Variants in ZBTB40 observed in about 807,000 individuals in gnomAD.
The protein encoded by ZBTB40 is zinc finger and BTB domain containing 40.
In ZBTB40, 60 loss-of-function variants were observed where a neutral mutation model predicts 117.5. The observed-to-expected ratio is 0.51, with a 90% CI of 0.41 to 0.63. The LOEUF is 0.63. Ranked by LOEUF, ZBTB40 falls within the 30% of genes least tolerant of loss-of-function variation. ZBTB40 has a pLI of 0.00. For synonymous variants in ZBTB40, 525 were observed against 577.1 expected, an observed-to-expected ratio of 0.91 and a Z score of 1.29; for missense variants, 1,287 against 1,498.5, an observed-to-expected ratio of 0.86 and a Z score of 2.33.
At chr1:22,449,246 G>A (rs1640827293), upstream of ZBTB40, among the ~76,000 whole-genome samples, 1 of 152,090 alleles carries the variant, frequency 6.6e-6, no homozygotes, top group African/African-American at 2.4e-5. Flanking sequence ...TGGTGGCATG[G>A]GAACACTCTT....
At chr1:22,517,509 A>C in intron 13 of ZBTB40, 45 bp downstream of exon 13, 1 of 1,592,752 alleles carries the variant, frequency 6.3e-7, no homozygotes, top group Middle Eastern at 1.7e-4. Context: ...CCAGCCTGGC[A>C]CTGGGAAAGC....
intron 15 of ZBTB40, 34 bp from the exon 16 acceptor site, chr1:22,522,343 T>C: frequency 1.2e-6 from 2 of 1,610,608 alleles, no homozygotes; most frequent in South Asian, 2.2e-5. Context: ...CCATTTGTTC[T>C]TTCCCAGCAC....
At chr1:22,470,570 G>A (rs1351626165) in intron 1 of ZBTB40, among the ~76,000 whole-genome samples, 3 of 152,168 alleles carry the variant, frequency 2.0e-5, no homozygotes, top group Admixed American at 2.0e-4. Flanking sequence ...TGTCCCGAGC[G>A]TCAAAAGAAA....
Position 22,488,786 on chromosome 1 carries a change from G to T in ZBTB40, c.-69-1094G>T, listed in dbSNP as rs540263844. ...TTAAGTAGATTGCTCCGCCTACTGGGTTGAAGATAGGATGAGGTAGGGGTA... is the reference window on the plus strand; with the variant it reads ...TTAAGTAGATTGCTCCGCCTACTGGTTTGAAGATAGGATGAGGTAGGGGTA... On this transcript the variant is annotated intron_variant, in intron 1 of 17. Coordinates refer to ENST00000375647, the MANE Select transcript of ZBTB40 (RefSeq NM_014870.4). 6.8e-4 allele frequency among the ~76,000 whole-genome samples: 103 copies of T among 152,326 alleles called. 2 individuals are homozygous for T. The South Asian group carries it at 0.011, about 17-fold the overall frequency.
intron 1 of ZBTB40, among the ~76,000 whole-genome samples, chr1:22,459,962 A>T (rs190949293): frequency 1.1e-3 from 163 of 152,354 alleles, no homozygotes; most frequent in Non-Finnish European, 4.7e-4. Context: ...CATTTAAAAA[A>T]TAATAATTCT....
intron 17 of ZBTB40, among the ~76,000 whole-genome samples, chr1:22,525,272 C>T (rs915722056): frequency 2.0e-5 from 3 of 151,980 alleles, no homozygotes; most frequent in Non-Finnish European, 4.4e-5. Context: ...GGGGCTGGGG[C>T]GTCCATTTCT....
intron 1 of ZBTB40, among the ~76,000 whole-genome samples, chr1:22,454,435 G>A (rs764222578): frequency 6.6e-6 from 1 of 152,108 alleles, no homozygotes; most frequent in East Asian, 1.9e-4. Flanking sequence ...AAAACAGCAC[G>A]GAGAGAGACA....
chr1:22,513,969 G>A lies in ZBTB40; in HGVS notation c.2668+839G>A, dbSNP rs536963343. Among the ~76,000 whole-genome samples the A allele has an allele frequency of 4.0e-4, 61 of 152,358 alleles. No homozygotes were observed. The highest frequency in any genetic ancestry group is 1.4e-3 in the African/African-American group (59 of 41,598). On this transcript the variant is annotated intron_variant, in intron 12 of 17. Transcript: ENST00000375647. This position sits in a 1 kb window ranked among gnomAD's most constrained non-coding sequence, Gnocchi z 4.9. ...GAAGGACCCTGACTAAGCACCTACC[G>A]TGGATCAGACAGTGGCAGATGCCGA... is the stretch of plus-strand genomic sequence containing the variant.
chr1:22,520,363 C>T, intron 14 of ZBTB40, 88 bp downstream of exon 14: 2 of 1,027,538 alleles, frequency 1.9e-6, no homozygotes, highest in Non-Finnish European at 3.0e-6. Flanking sequence ...TGGTGGCTTG[C>T]AGATCATATC....
intron 1 of ZBTB40, among the ~76,000 whole-genome samples, chr1:22,479,403 G>A (rs1638226576): frequency 2.0e-5 from 3 of 151,980 alleles, no homozygotes; most frequent in Non-Finnish European, 4.4e-5. Flanking sequence ...TTTTATGTTT[G>A]TTTATAAAGT....
rs1639791708 is a variant in ZBTB40 at position 22,530,129 on chromosome 1, G to A, written c.*3733G>A. 1 of 152,256 alleles carries A rather than the reference G, an allele frequency of 6.6e-6. No individual in the cohort carries two copies. The allele number at this position is 152,256 out of a possible 1,614,324, so 9.4% of individuals were successfully genotyped here. ...TGTATAGAGTGGGCAGGCGGTTCCA[G>A]GGAGACAAGCAGCATGTTATTAAAT... On this transcript the variant is annotated 3_prime_UTR_variant, in exon 18 of 18. Transcript: ENST00000375647.
At chr1:22,444,383 C>G (rs1359607231) in intron 1 of ZBTB40, among the ~76,000 whole-genome samples, 1 of 152,032 alleles carries the variant, frequency 6.6e-6, no homozygotes, top group Non-Finnish European at 1.5e-5. Context: ...TCATGCCACT[C>G]CAGCCTGGGC....
rs765130653 is a variant in ZBTB40, at chr1:22,490,579, G to A, written c.631G>A (p.Glu211Lys). The A allele has an allele frequency of 3.3e-5, 54 of 1,613,992 alleles. No homozygotes were observed. The highest frequency in any genetic ancestry group is 4.4e-5 in the Non-Finnish European group (52 of 1,180,040). The change falls in exon 2 of 18, where the codon GAA becomes AAA. Residue 211 changes from glutamate (E) to lysine (K), a missense_variant. Physicochemically the swap from Glu to Lys is moderately conservative, Grantham distance 56. Transcript: ENST00000375647. ...CCCAGCGGAGACTCCTACTACAGCTGAAGCTTGTTCCCCCTCCCCTGCTGT... is the reference window on the plus strand; with the variant it reads ...CCCAGCGGAGACTCCTACTACAGCTAAAGCTTGTTCCCCCTCCCCTGCTGT... ...ETPAETPTTAEACSPSPAVQT... is the reference protein window; with the variant it reads ...ETPAETPTTAKACSPSPAVQT...
At chr1:22,519,941 C>T (rs74877287) in intron 13 of ZBTB40, 120 bp from the exon 14 acceptor site, 14,812 of 915,406 alleles carry the variant, frequency 0.016, 485 homozygotes, top group Admixed American at 0.095. Context: ...CTGCCTGTTA[C>T]GTAAAGCAGA....
intron 1 of ZBTB40, among the ~76,000 whole-genome samples, chr1:22,435,985 G>A (rs1366431718): frequency 6.6e-6 from 1 of 151,992 alleles, no homozygotes; most frequent in Non-Finnish European, 1.5e-5. Context: ...GCTGAGGCAG[G>A]AGAATCATAA....
chr1:22,463,058 G>A (rs757179611), intron 1 of ZBTB40, among the ~76,000 whole-genome samples: 1 of 152,138 alleles, frequency 6.6e-6, no homozygotes, highest in South Asian at 2.1e-4. Flanking sequence ...TCATTTACAC[G>A]TAGTAGCTCA....
intron 1 of ZBTB40, among the ~76,000 whole-genome samples, chr1:22,458,843 G>A (rs1356709826): frequency 1.3e-5 from 2 of 152,118 alleles, no homozygotes; most frequent in African/African-American, 4.8e-5. Flanking sequence ...CACCTGCCTC[G>A]GCCTCCCAAA....
chr1:22,495,497 T>TTTTG (rs1638749099), intron 3 of ZBTB40, among the ~76,000 whole-genome samples: 2 of 152,008 alleles, frequency 1.3e-5, no homozygotes, highest in Non-Finnish European at 2.9e-5. Context: ...TGCTAGGTTT[T>TTTTG]TTTTGTTTTG....
intron 1 of ZBTB40, among the ~76,000 whole-genome samples, chr1:22,459,790 G>A (rs528183870): frequency 6.6e-6 from 1 of 152,072 alleles, no homozygotes; most frequent in East Asian, 1.9e-4. Flanking sequence ...ATTAGCTTAG[G>A]GAGAACTAGC....
Sources: allele counts gnomAD v4.1 joint callset (sites outside exome capture counted in the v4.1 genomes callset), GRCh38; gene constraint gnomAD v4.1.1; non-coding constraint Gnocchi (gnomAD v3.1); transcripts MANE v1.5; gene names NCBI Gene and HGNC (gene_info 2026-07-23, HGNC 2026-07-21).